Variants in ROR1 observed in about 807,000 individuals in gnomAD.
ROR1 encodes ROR family WNT receptor 1, also known as inactive tyrosine-protein kinase transmembrane receptor ROR1.
In ROR1, 19 loss-of-function variants were observed where a neutral mutation model predicts 78.8. The observed-to-expected ratio is 0.24, with a 90% confidence interval of 0.17 to 0.35. The LOEUF is 0.35. Among genes scored for constraint, ROR1 ranks in the 10% least tolerant of loss-of-function variants. The pLI is 1.00. For synonymous variants in ROR1, 386 were observed against 433.6 expected (o/e 0.89, Z 1.36); for missense variants, 917 against 1,177.8 (o/e 0.78, Z 3.24).
At chr1:63,791,398 C>A (rs995530304) in intron 1 of ROR1, among the ~76,000 whole-genome samples, 1 of 151,968 alleles carries the variant, frequency 6.6e-6, no homozygotes, top group African/African-American at 2.4e-5. Flanking sequence ...AAAACAAGAG[C>A]CCATTATGTG....
intron 1 of ROR1, among the ~76,000 whole-genome samples, chr1:63,929,728 A>G (rs555211540): frequency 6.6e-6 from 1 of 152,306 alleles, no homozygotes; most frequent in East Asian, 1.9e-4. Context: ...ATGATAACTA[A>G]CATTTACTAA....
At chr1:63,981,886 C>A (rs980546541) in intron 1 of ROR1, among the ~76,000 whole-genome samples, 10 of 152,088 alleles carry the variant, frequency 6.6e-5, no homozygotes, top group Middle Eastern at 3.2e-3. Flanking sequence ...GCAAGCAGTG[C>A]TCAAAAGTGA....
intron 1 of ROR1, among the ~76,000 whole-genome samples, chr1:63,949,632 ATG>A (rs1439292834): frequency 2.0e-5 from 3 of 152,232 alleles, no homozygotes; most frequent in Non-Finnish European, 2.9e-5. Flanking sequence ...CATTCACAGA[ATG>A]TGTCTGGAAA....
intron 1 of ROR1, among the ~76,000 whole-genome samples, chr1:63,935,253 T>G (rs1277213760): frequency 2.0e-5 from 3 of 152,192 alleles, no homozygotes. Context: ...GGGAGCTGTA[T>G]GAACTTTATG....
At chr1:64,060,306 A>G (rs1215547366) in intron 4 of ROR1, among the ~76,000 whole-genome samples, 2 of 152,184 alleles carry the variant, frequency 1.3e-5, no homozygotes, top group Non-Finnish European at 2.9e-5. Context: ...CATCAATGCT[A>G]TCTGAGCAAA....
chr1:63,978,162 T>C (rs905311097), intron 1 of ROR1, among the ~76,000 whole-genome samples: 3 of 152,160 alleles, frequency 2.0e-5, no homozygotes, highest in African/African-American at 4.8e-5. Flanking sequence ...TGATTTAATC[T>C]CAAATGACCT....
chr1:64,150,557 A>G (rs928875907), intron 7 of ROR1, among the ~76,000 whole-genome samples: 1 of 152,240 alleles, frequency 6.6e-6, no homozygotes, highest in Non-Finnish European at 1.5e-5. Flanking sequence ...ATTTCATAGA[A>G]GACCTGTTGT....
At chr1:64,092,504 T>C (rs1241982114) in intron 4 of ROR1, among the ~76,000 whole-genome samples, 1 of 151,718 alleles carries the variant, frequency 6.6e-6, no homozygotes, top group East Asian at 1.9e-4. Flanking sequence ...CATGGAGGTG[T>C]CTTGAGAGTC....
chr1:64,002,821 T>G (rs1646396127), intron 1 of ROR1, among the ~76,000 whole-genome samples: 1 of 152,232 alleles, frequency 6.6e-6, no homozygotes, highest in Admixed American at 6.5e-5. Context: ...GTTGAGGAGC[T>G]TGGCCTCTGG....
At chr1:64,132,957 G>A (rs929380315) in intron 4 of ROR1, among the ~76,000 whole-genome samples, 5 of 152,044 alleles carry the variant, frequency 3.3e-5, no homozygotes, top group African/African-American at 1.2e-4. Context: ...GTCCACTTTG[G>A]TGGGCTACCC....
chr1:63,926,036 A>C (rs1266498130), intron 1 of ROR1, among the ~76,000 whole-genome samples: 1 of 151,828 alleles, frequency 6.6e-6, no homozygotes, highest in Non-Finnish European at 1.5e-5. Flanking sequence ...CCATTTGTCA[A>C]TTTTGTCTTT....
intron 4 of ROR1, among the ~76,000 whole-genome samples, chr1:64,058,219 G>GT (rs1223524793): frequency 7.2e-5 from 11 of 152,176 alleles, no homozygotes; most frequent in Admixed American, 1.3e-4. Flanking sequence ...AGCTCTAGCA[G>GT]TTTTTTTGTG....
At chr1:63,910,575 A>G (rs1370324008) in intron 1 of ROR1, among the ~76,000 whole-genome samples, 3 of 152,120 alleles carry the variant, frequency 2.0e-5, no homozygotes, top group African/African-American at 7.2e-5. Context: ...CCCTCCAGGA[A>G]GCTTTTCCTG....
intron 1 of ROR1, among the ~76,000 whole-genome samples, chr1:63,867,564 T>G (rs1186592908): frequency 2.0e-5 from 3 of 152,198 alleles, no homozygotes; most frequent in African/African-American, 7.2e-5. Context: ...GAGTTCTAAC[T>G]GTGCATGATA....
At chr1:64,072,657 AAAT>A (rs1392653087) in intron 4 of ROR1, among the ~76,000 whole-genome samples, 1 of 152,162 alleles carries the variant, frequency 6.6e-6, no homozygotes, top group Non-Finnish European at 1.5e-5. Context: ...ATCCTAGTAA[AAAT>A]AATAGTTCCC....
intron 1 of ROR1, among the ~76,000 whole-genome samples, chr1:63,781,178 T>A (rs1185909058): frequency 1.3e-5 from 2 of 152,214 alleles, no homozygotes; most frequent in Non-Finnish European, 1.5e-5. Flanking sequence ...TATATATTTA[T>A]CACATGAAAG....
intron 1 of ROR1, among the ~76,000 whole-genome samples, chr1:63,892,486 C>A (rs992891430): frequency 1.3e-5 from 2 of 152,132 alleles, no homozygotes; most frequent in East Asian, 3.9e-4. Context: ...AGTTTCACAT[C>A]CATGTAGTGA....
intron 4 of ROR1, among the ~76,000 whole-genome samples, chr1:64,112,817 G>T (rs1010668622): frequency 2.0e-5 from 3 of 152,118 alleles, no homozygotes; most frequent in African/African-American, 7.2e-5. Flanking sequence ...CTATAAGGAT[G>T]ACTGAAATTT....
intron 2 of ROR1, among the ~76,000 whole-genome samples, chr1:64,041,270 GT>G: frequency 6.6e-6 from 1 of 152,208 alleles, no homozygotes; most frequent in African/African-American, 2.4e-5. Flanking sequence ...CCTAATATAT[GT>G]TTTTCCCTTC....
Sources: gnomAD v4.1 joint callset for allele counts (sites outside exome capture counted in the v4.1 genomes callset) on GRCh38, gnomAD v4.1.1 for gene constraint, MANE v1.5 for transcripts, NCBI Gene and HGNC (gene_info 2026-07-23, HGNC 2026-07-21) for gene names.